SHISA6: variants seen among roughly 807,000 people sequenced by gnomAD.
The protein encoded by SHISA6 is shisa family member 6.
SHISA6 carries 22 observed loss-of-function variants against 47.9 expected under a neutral mutation model. That is an observed-to-expected ratio of 0.46 (90% CI 0.33 to 0.66). The LOEUF (loss-of-function observed/expected upper bound fraction) is 0.66, where lower values mean the gene tolerates loss of function less well. SHISA6 is among the 30% of genes least tolerant of loss of function. The pLI, the probability that SHISA6 is intolerant of heterozygous loss-of-function variation, is 0.02. For synonymous variants in SHISA6, 388 were observed against 337.8 expected (o/e 1.15, Z -1.63); for missense variants, 680 against 764.6 (o/e 0.89, Z 1.30).
Position 11,249,087 on chromosome 17 carries a change from G to C in SHISA6, c.638+7027G>C, listed in dbSNP as rs188772842. Among the ~76,000 whole-genome samples the C allele has an allele frequency of 2.4e-3, 354 of 148,378 alleles. 1 individual carries two copies. Among genetic ancestry groups the C allele is most frequent in the African/African-American group, 6.1e-3 (242 of 39,958 alleles). Reference sequence around the variant, plus strand: ...TGGGAGGTGGAGCTTGCAGTGAGCCGAGATCGCGCCACTGCACTCCAGCCT... The same window carrying C: ...TGGGAGGTGGAGCTTGCAGTGAGCCCAGATCGCGCCACTGCACTCCAGCCT... On this transcript the variant is annotated intron_variant, in intron 1 of 5. Coordinates refer to ENST00000441885, the MANE Select transcript of SHISA6 (RefSeq NM_207386.4).
At chr17:11,263,325 C>T in intron 1 of SHISA6, 41 bp from the exon 2 acceptor site, 3 of 1,548,498 alleles carry the variant, frequency 1.9e-6, no homozygotes, top group Non-Finnish European at 2.6e-6. Flanking sequence ...TTGTGCACAC[C>T]TGCTCAGTGA....
intron 3 of SHISA6, among the ~76,000 whole-genome samples, chr17:11,541,604 T>G (rs1359449344): frequency 2.6e-5 from 4 of 152,230 alleles, no homozygotes; most frequent in African/African-American, 9.6e-5. Context: ...AAATGACTCA[T>G]CCCAGACAAT....
intron 2 of SHISA6, among the ~76,000 whole-genome samples, chr17:11,296,794 C>T (rs1909765839): frequency 6.6e-6 from 1 of 151,910 alleles, no homozygotes; most frequent in African/African-American, 2.4e-5. Flanking sequence ...TGGGAAGAGC[C>T]CCAGGTAGGA....
intron 1 of SHISA6, among the ~76,000 whole-genome samples, chr17:11,253,499 C>G (rs558693336): frequency 1.3e-5 from 2 of 152,060 alleles, no homozygotes; most frequent in African/African-American, 2.4e-5. Flanking sequence ...AGTAGCTCTT[C>G]GAAGATCAAT....
At chr17:11,458,642 T>C (rs1398394506) in intron 3 of SHISA6, among the ~76,000 whole-genome samples, 1 of 152,092 alleles carries the variant, frequency 6.6e-6, no homozygotes, top group African/African-American at 2.4e-5. Flanking sequence ...CAGGCCCCCT[T>C]ATTCAGTGCA....
intron 1 of SHISA6, among the ~76,000 whole-genome samples, chr17:11,251,232 G>A (rs993592059): frequency 6.8e-5 from 8 of 117,976 alleles, no homozygotes; most frequent in Admixed American, 1.0e-4. Context: ...GAAAGACTGG[G>A]AAGATAAGTG....
At chr17:11,494,923 T>C (rs2071395561) in intron 3 of SHISA6, among the ~76,000 whole-genome samples, 1 of 152,100 alleles carries the variant, frequency 6.6e-6, no homozygotes, top group African/African-American at 2.4e-5. Flanking sequence ...ATTAATATTG[T>C]TCAAACTGCC....
chr17:11,330,077 A>C lies in SHISA6; in HGVS notation c.800-49337A>C, dbSNP rs139605517. 5.3e-5 allele frequency among the ~76,000 whole-genome samples: 8 copies of C among 152,304 alleles called. No homozygotes were observed. The East Asian group carries it at 1.4e-3, about 26-fold the overall frequency. Reference sequence around the variant, plus strand: ...TGGCCGCCAGCAAGTCCCAACTTGCATCATCCTTACAGCTTAGTATCCCAG... The same window carrying C: ...TGGCCGCCAGCAAGTCCCAACTTGCCTCATCCTTACAGCTTAGTATCCCAG... On this transcript the variant is annotated intron_variant, in intron 2 of 5. Transcript: ENST00000441885.
chr17:11,430,687 T>C (rs1229644569), intron 3 of SHISA6, among the ~76,000 whole-genome samples: 1 of 152,150 alleles, frequency 6.6e-6, no homozygotes, highest in African/African-American at 2.4e-5. Flanking sequence ...CTCCATGGTG[T>C]CTGCCTACCA....
chr17:11,418,617 TC>T (rs1237249344), intron 3 of SHISA6, among the ~76,000 whole-genome samples: 1 of 152,182 alleles, frequency 6.6e-6, no homozygotes, highest in East Asian at 1.9e-4. Flanking sequence ...TAAAGTGCTA[TC>T]TAAATATAAG....
chr17:11,269,001 C>T (rs1567555526), intron 2 of SHISA6, among the ~76,000 whole-genome samples: 1 of 151,894 alleles, frequency 6.6e-6, no homozygotes, highest in Non-Finnish European at 1.5e-5. Context: ...CTGGTTGAGC[C>T]AGAAGGTCCT....
chr17:11,534,905 G>A (rs1457941703), intron 3 of SHISA6, among the ~76,000 whole-genome samples: 3 of 152,042 alleles, frequency 2.0e-5, no homozygotes, highest in Non-Finnish European at 2.9e-5. Flanking sequence ...CAAGGAGGGT[G>A]GATCACGAGG....
intron 3 of SHISA6, among the ~76,000 whole-genome samples, chr17:11,508,499 C>T (rs1183137033): frequency 7.3e-6 from 1 of 137,494 alleles, no homozygotes; most frequent in East Asian, 2.5e-4. Context: ...GCTCAGGAAC[C>T]AGTGGCCAAA....
intron 1 of SHISA6, among the ~76,000 whole-genome samples, chr17:11,247,244 G>A (rs1035988673): frequency 6.6e-6 from 1 of 152,158 alleles, no homozygotes; most frequent in South Asian, 2.1e-4. Context: ...AGCTCCAGAC[G>A]GACAGTCCTA....
chr17:11,437,102 G>C (rs1914962468), intron 3 of SHISA6, among the ~76,000 whole-genome samples: 1 of 152,174 alleles, frequency 6.6e-6, no homozygotes, highest in Non-Finnish European at 1.5e-5. Flanking sequence ...AGAGTGAGAA[G>C]GAAAGAGACA....
intron 3 of SHISA6, among the ~76,000 whole-genome samples, chr17:11,388,855 A>G (rs1913295823): frequency 7.7e-6 from 1 of 130,300 alleles, no homozygotes; most frequent in African/African-American, 2.9e-5. Flanking sequence ...AAAAAAGGTA[A>G]AAAAAAAAAA....
chr17:11,484,145 C>A (rs1916286802), intron 3 of SHISA6, among the ~76,000 whole-genome samples: 1 of 152,106 alleles, frequency 6.6e-6, no homozygotes, highest in African/African-American at 2.4e-5. Context: ...ATTATCCCTT[C>A]ATCTCAGAAT....
chr17:11,555,871 T>C lies in SHISA6; in HGVS notation c.1084T>C (p.Tyr362His). ...TGCAGTAAAGACCAACCCCAGCAAG[T>C]ATTCATCTCTGAAGAGGCTAAGTAA... ...ESAVKTNPSK[Y>H]SSLKRLTDKE... The change falls in exon 5 of 6, where the codon TAT becomes CAT. Residue 362 changes from tyrosine to histidine, a missense_variant. By Grantham distance (83) the Tyr-to-His change is moderately conservative. Coordinates refer to ENST00000441885, the MANE Select transcript of SHISA6 (RefSeq NM_207386.4). The C allele has an allele frequency of 6.5e-7, 1 of 1,546,260 alleles. No homozygotes were observed. Among genetic ancestry groups the C allele is most frequent in the South Asian group, 1.2e-5 (1 of 83,252 alleles).
chr17:11,479,765 CAT>C (rs1403949896), intron 3 of SHISA6, among the ~76,000 whole-genome samples: 1 of 151,688 alleles, frequency 6.6e-6, no homozygotes, highest in African/African-American at 2.4e-5. Flanking sequence ...TATACATACA[CAT>C]ATATAATTTA....
Sources: allele counts gnomAD v4.1 joint callset (sites outside exome capture counted in the v4.1 genomes callset), GRCh38; gene constraint gnomAD v4.1.1; transcripts MANE v1.5; gene names NCBI Gene and HGNC (gene_info 2026-07-23, HGNC 2026-07-21).